Variants in PCDHGA9 observed in about 807,000 individuals in gnomAD.
PCDHGA9 encodes the protein protocadherin gamma-A9.
PCDHGA9 carries 37 observed loss-of-function variants against 62.5 expected under a neutral mutation model. That is an observed-to-expected ratio of 0.59 (90% confidence interval 0.46 to 0.78). The LOEUF (loss-of-function observed/expected upper bound fraction) is 0.78, where lower values mean the gene tolerates loss of function less well. Ranked by LOEUF, PCDHGA9 falls within the 30% of genes least tolerant of loss-of-function variation. The pLI is 0.00. For missense variants in PCDHGA9, 1,138 were observed against 1,166.2 expected (o/e 0.98, Z 0.35); for synonymous variants, 459 against 484.6 (o/e 0.95, Z 0.69).
Position 141,490,748 on chromosome 5 carries a change from C to A in PCDHGA9, c.2425-4059C>A. 3.1e-6 allele frequency: 5 copies of A among 1,614,168 alleles called. No individual in the cohort carries two copies. Among genetic ancestry groups the A allele is most frequent in the Non-Finnish European group, 3.4e-6 (4 of 1,180,006 alleles). ...GGAAATCAGGTTCAGGGAGCCCCAGCCTCCTCCTTTGTGTATGTCAACCCA... is the reference window on the plus strand; with the variant it reads ...GGAAATCAGGTTCAGGGAGCCCCAGACTCCTCCTTTGTGTATGTCAACCCA... On this transcript the variant is annotated intron_variant, in intron 1 of 3. Transcript: ENST00000573521. This position sits in a 1 kb window ranked among gnomAD's most constrained non-coding sequence, Gnocchi z 5.4.
chr5:141,427,652 G>T, intron 1 of PCDHGA9: 1 of 721,166 alleles, frequency 1.4e-6, no homozygotes, highest in Non-Finnish European at 2.5e-6. Flanking sequence ...TCTCCTACGT[G>T]GTCCACGTGG....
chr5:141,438,627 T>TATAC (rs2098031123), intron 1 of PCDHGA9, among the ~76,000 whole-genome samples: 4 of 48,012 alleles, frequency 8.3e-5, no homozygotes, highest in Admixed American at 6.2e-4. Flanking sequence ...TATATATATA[T>TATAC]ATATATATAC....
At chr5:141,444,783 C>A (rs551686741) in intron 1 of PCDHGA9, among the ~76,000 whole-genome samples, 2 of 152,100 alleles carry the variant, frequency 1.3e-5, no homozygotes, top group Non-Finnish European at 2.9e-5. Context: ...GATCATGTTT[C>A]ATTTGTCTAT....
chr5:141,455,502 A>G (rs888549465), intron 1 of PCDHGA9, among the ~76,000 whole-genome samples: 12 of 152,206 alleles, frequency 7.9e-5, no homozygotes, highest in African/African-American at 2.7e-4. Flanking sequence ...TCTGATTTGC[A>G]TAGGGCTCAG....
chr5:141,403,102 G>T lies in PCDHGA9; in HGVS notation c.150G>T (p.Lys50Asn), dbSNP rs765706858. The T allele has an allele frequency of 6.2e-7, 1 of 1,614,046 alleles. No individual in the cohort carries two copies. The highest frequency in any genetic ancestry group is 1.7e-5 in the Admixed American group (1 of 60,030). ...GCTATATTGTGGGCAACATCTCCAA[G>T]GACCTGGCTCTGGAGCCCCGGGAGC... ...EKGYIVGNIS[K>N]DLALEPRELA... Residue 50 changes from lysine to asparagine, a missense_variant, in exon 1 of 4, where the codon AAG becomes AAT. Physicochemically the swap from Lys to Asn is moderately conservative, Grantham distance 94 (BLOSUM62 0). Transcript: ENST00000573521.
In PCDHGA9 at chr5:141,477,880, C is replaced by T. The variant is rs763789849; in HGVS notation, c.2425-16927C>T. 10 of 1,614,058 alleles carry T rather than the reference C, an allele frequency of 6.2e-6. No homozygotes were observed. The African/African-American group carries it at 1.2e-4, about 19-fold the overall frequency. ...TGCCTCGAGGTACCTCAGCTGGCCA[C>T]CTAGTGTCACGGGTGGTAGGCTGGG... is the stretch of plus-strand genomic sequence containing the variant. On this transcript the variant is annotated intron_variant, in intron 1 of 3. Transcript: ENST00000573521. The surrounding 1 kb of genome is among the most constrained non-coding windows in gnomAD (Gnocchi z 4.9).
At chr5:141,414,132 T>A in intron 1 of PCDHGA9, 1 of 1,594,828 alleles carries the variant, frequency 6.3e-7, no homozygotes, top group South Asian at 1.1e-5. Flanking sequence ...CCGGTTTCTA[T>A]GAAATAGAAA....
Position 141,404,365 on chromosome 5 carries a change from C to G in PCDHGA9, c.1413C>G (p.Ile471Met), listed in dbSNP as rs1322773399. ...LPENNARGTS[I>M]FSVIAYDPDS... ...AAAACAACGCCAGAGGTACTTCCAT[C>G]TTCTCCGTGATTGCCTATGACCCTG... Residue 471 changes from isoleucine (I) to methionine (M), a missense_variant, in exon 1 of 4, where the codon ATC (isoleucine) becomes ATG (methionine). By Grantham distance (10) the Ile-to-Met change is conservative. Coordinates refer to ENST00000573521, the MANE Select transcript of PCDHGA9 (RefSeq NM_018921.3). The G allele has an allele frequency of 1.2e-6, 2 of 1,613,818 alleles. No homozygotes were observed. The highest frequency in any genetic ancestry group is 3.3e-5 in the Admixed American group (2 of 60,002).
chr5:141,503,763 T>C (rs1014883264), intron 2 of PCDHGA9, among the ~76,000 whole-genome samples: 1 of 152,174 alleles, frequency 6.6e-6, no homozygotes, highest in Non-Finnish European at 1.5e-5. Context: ...ATGGCAGCCT[T>C]GTGTCTGTTC....
chr5:141,421,161 T>C (rs2096550274), intron 1 of PCDHGA9: 7 of 1,259,920 alleles, frequency 5.6e-6, no homozygotes, highest in Non-Finnish European at 7.5e-6. Flanking sequence ...TAGGACTTCA[T>C]AGATACATAA....
Position 141,511,669 on chromosome 5 carries a change from T to C in PCDHGA9, c.*496T>C, listed in dbSNP as rs1468492336. 1 of 199,424 alleles carries C rather than the reference T, an allele frequency of 5.0e-6. No individual in the cohort carries two copies. The highest frequency in any genetic ancestry group is 2.3e-5 in the African/African-American group (1 of 43,748). The allele number at this position is 199,424 out of a possible 1,614,324, so 12.4% of individuals were successfully genotyped here. ...TCTTGGCCTCTCCTTTGATTCTCAA[T>C]CTTCCCCCAAAGCATGGTTTGGTGC... On this transcript the variant is annotated 3_prime_UTR_variant, in exon 4 of 4. Coordinates refer to ENST00000573521, the MANE Select transcript of PCDHGA9 (RefSeq NM_018921.3).
intron 2 of PCDHGA9, among the ~76,000 whole-genome samples, chr5:141,502,829 C>A (rs1034808123): frequency 2.0e-5 from 3 of 150,428 alleles, no homozygotes; most frequent in African/African-American, 7.4e-5. Context: ...CTTGGGGAAG[C>A]CTGGACTGGC....
chr5:141,466,746 T>C (rs1035272591), intron 1 of PCDHGA9, among the ~76,000 whole-genome samples: 1 of 152,224 alleles, frequency 6.6e-6, no homozygotes, highest in African/African-American at 2.4e-5. Context: ...GTTACTCTGA[T>C]AGGGGCTCTT....
rs531773756 is a variant in PCDHGA9 at position 141,417,037 on chromosome 5, TTA to T, written c.2424+11662_2424+11663del. On this transcript the variant is annotated intron_variant, in intron 1 of 3. Coordinates refer to ENST00000573521, the MANE Select transcript of PCDHGA9 (RefSeq NM_018921.3). ...ATTTTGAAAAATACAGGTTTTTTTT[TTA>T]AAAAAAACTGCTCTTGACATTGTAG... 5.9e-5 allele frequency: 9 copies of T among 151,574 alleles called. 1 individual carries two copies. Among genetic ancestry groups the T allele is most frequent in the Admixed American group, 2.0e-4 (3 of 15,204 alleles). The allele number at this position is 151,574 out of a possible 1,614,324, so 9.4% of individuals were successfully genotyped here.
chr5:141,440,181 G>A (rs1419736461), intron 1 of PCDHGA9: 7 of 152,312 alleles, frequency 4.6e-5, no homozygotes, highest in Non-Finnish European at 8.8e-5. Context: ...CTTTGAAATA[G>A]TTGAAGGCCA....
intron 1 of PCDHGA9, among the ~76,000 whole-genome samples, chr5:141,442,888 GCTTATCA>G (rs776180931): frequency 8.5e-5 from 13 of 152,204 alleles, no homozygotes; most frequent in Non-Finnish European, 1.8e-4. Flanking sequence ...CAGAATCCCT[GCTTATCA>G]CTTCTCCTTC....
Position 141,402,965 on chromosome 5 carries a change from A to G in PCDHGA9, c.13A>G (p.Thr5Ala). 1.2e-6 allele frequency: 2 copies of G among 1,606,016 alleles called. No homozygotes were observed. Among genetic ancestry groups the G allele is most frequent in the Non-Finnish European group, 1.7e-6 (2 of 1,175,736 alleles). Residue 5 changes from threonine to alanine, a missense_variant, in exon 1 of 4, where the codon ACC (threonine) becomes GCC (alanine). By Grantham distance (58) the Thr-to-Ala change is moderately conservative. Transcript: ENST00000573521. MAAP[T>A]KCQLRGRLVL... The stretch of plus-strand genomic sequence containing the variant: ...AAGCGAGGCAGCAATGGCAGCTCCA[A>G]CCAAATGCCAGCTCCGCGGAAGATT...
In PCDHGA9 at chr5:141,485,417, G is replaced by A. The variant is rs1340790133; in HGVS notation, c.2425-9390G>A. The A allele has an allele frequency of 1.2e-6, 2 of 1,614,166 alleles. No homozygotes were observed. Among genetic ancestry groups the A allele is most frequent in the Non-Finnish European group, 8.5e-7 (1 of 1,180,038 alleles). ...ACACTTCCGTGTGGATTTGGACAGCGGAGCCCTGCTCATCAAGAACCCAAT... is the reference window on the plus strand; with the variant it reads ...ACACTTCCGTGTGGATTTGGACAGCAGAGCCCTGCTCATCAAGAACCCAAT... On this transcript the variant is annotated intron_variant, in intron 1 of 3. Coordinates refer to ENST00000573521, the MANE Select transcript of PCDHGA9 (RefSeq NM_018921.3). The surrounding 1 kb of genome is among the most constrained non-coding windows in gnomAD (Gnocchi z 5.7).
chr5:141,451,908 G>C (rs899191624), intron 1 of PCDHGA9, among the ~76,000 whole-genome samples: 1 of 152,046 alleles, frequency 6.6e-6, no homozygotes, highest in Non-Finnish European at 1.5e-5. Flanking sequence ...AAGGGAGGGA[G>C]GGAGGAAGGA....
Sources: gnomAD v4.1 joint callset for allele counts (sites outside exome capture counted in the v4.1 genomes callset) on GRCh38, gnomAD v4.1.1 for gene constraint, Gnocchi (gnomAD v3.1) non-coding constraint, MANE v1.5 for transcripts, NCBI Gene and HGNC (gene_info 2026-07-23, HGNC 2026-07-21) for gene names.